The following TPST2 variants were observed in gnomAD, a reference collection of about 807,000 sequenced individuals.
TPST2 encodes the protein tyrosylprotein sulfotransferase 2, also known as protein-tyrosine sulfotransferase 2.
A neutral mutation model predicts 27.8 loss-of-function variants in TPST2; 16 were observed. That is an observed-to-expected ratio of 0.58 (90% confidence interval 0.39 to 0.88). The LOEUF (loss-of-function observed/expected upper bound fraction) is 0.88. Ranked by LOEUF, TPST2 falls within the 40% of genes least tolerant of loss-of-function variation. The pLI, the probability that TPST2 is intolerant of heterozygous loss-of-function variation, is 0.00. For synonymous variants in TPST2, 229 were observed against 231.7 expected (o/e 0.99, Z 0.10); for missense variants, 464 against 543.1 (o/e 0.85, Z 1.45).
chr22:26,568,926 C>A (rs546846860), intron 1 of TPST2, among the ~76,000 whole-genome samples: 2 of 150,524 alleles, frequency 1.3e-5, no homozygotes, highest in African/African-American at 2.5e-5. Flanking sequence ...TGCAGTGGCC[C>A]GATCTCGGCT....
chr22:26,530,971 T>C (rs1293167967), intron 5 of TPST2, among the ~76,000 whole-genome samples: 1 of 152,078 alleles, frequency 6.6e-6, no homozygotes, highest in Non-Finnish European at 1.5e-5. Context: ...ATCACCGCAT[T>C]GCACTCCAGC....
chr22:26,543,486 T>C (rs1398147962), intron 2 of TPST2, among the ~76,000 whole-genome samples: 6 of 152,180 alleles, frequency 3.9e-5, no homozygotes, highest in African/African-American at 1.4e-4. Flanking sequence ...TGTGTGTTTT[T>C]AGTAGAGATG....
intron 1 of TPST2, among the ~76,000 whole-genome samples, chr22:26,560,264 T>G (rs1428856503): frequency 6.6e-6 from 1 of 152,072 alleles, no homozygotes; most frequent in Non-Finnish European, 1.5e-5. Flanking sequence ...GGTCTCCTGG[T>G]TAAAGTGTGG....
At chr22:26,527,527 CA>C (rs3216406) in intron 6 of TPST2, among the ~76,000 whole-genome samples, 53,286 of 151,996 alleles carry the variant, frequency 0.35, 9,799 homozygotes, top group African/African-American at 0.44. Flanking sequence ...TTACCAAGTT[CA>C]AAAAAATCCC....
At chr22:26,552,499 C>T (rs777254187) in intron 1 of TPST2, among the ~76,000 whole-genome samples, 2 of 152,118 alleles carry the variant, frequency 1.3e-5, no homozygotes, top group East Asian at 1.9e-4. Context: ...GATGCCAGAA[C>T]CCAAACTGTT....
intron 5 of TPST2, among the ~76,000 whole-genome samples, chr22:26,531,046 C>T (rs1322057095): frequency 1.3e-5 from 2 of 151,042 alleles, no homozygotes; most frequent in African/African-American, 4.8e-5. Context: ...AAGGGTTGGG[C>T]CAGTTTATAC....
rs6005071 is a variant in TPST2 at position 26,538,448 on chromosome 22, A to T, written c.843-1962T>A. 3.2e-3 allele frequency among the ~76,000 whole-genome samples: 488 copies of T among 152,354 alleles called. 1 individual carries two copies. The highest frequency in any genetic ancestry group is 0.011 in the African/African-American group (452 of 41,590). On this transcript the variant is annotated intron_variant, in intron 3 of 6. Coordinates refer to ENST00000338754, the MANE Select transcript of TPST2 (RefSeq NM_003595.5). ...CTTGATACATATCAGTAAAACTGGA[A>T]ATAACCGAAGTGTCCAACAATAGGG...
intron 1 of TPST2, among the ~76,000 whole-genome samples, chr22:26,580,813 C>T (rs1238601913): frequency 1.3e-5 from 2 of 152,038 alleles, no homozygotes; most frequent in Non-Finnish European, 2.9e-5. Context: ...CGCGTTAGCA[C>T]CTAATGGAGG....
At chr22:26,562,625 T>C (rs1338430462) in intron 1 of TPST2, among the ~76,000 whole-genome samples, 2 of 135,194 alleles carry the variant, frequency 1.5e-5, no homozygotes, top group Non-Finnish European at 3.3e-5. Context: ...TTTTCTTTTC[T>C]TTTCTTTTTT....
intron 4 of TPST2, among the ~76,000 whole-genome samples, chr22:26,534,553 C>A (rs1925343879): frequency 6.6e-6 from 1 of 152,194 alleles, no homozygotes; most frequent in African/African-American, 2.4e-5. Context: ...GAACGTCCGA[C>A]CCATAGCCTG....
chr22:26,569,551 G>A (rs1470491593), intron 1 of TPST2, among the ~76,000 whole-genome samples: 1 of 152,164 alleles, frequency 6.6e-6, no homozygotes, highest in Non-Finnish European at 1.5e-5. Context: ...GGGAGGCTGA[G>A]GCAAGAGGAT....
chr22:26,549,572 G>A (rs1329545335), intron 1 of TPST2, among the ~76,000 whole-genome samples: 22 of 147,432 alleles, frequency 1.5e-4, no homozygotes, highest in African/African-American at 5.0e-4. Flanking sequence ...CAGAGGAATC[G>A]CTTGAACCTG....
At chr22:26,570,874 T>C (rs558729232) in intron 1 of TPST2, among the ~76,000 whole-genome samples, 34 of 152,296 alleles carry the variant, frequency 2.2e-4, no homozygotes, top group African/African-American at 7.9e-4. Context: ...TAACTTCACC[T>C]TTAAAACAGA....
chr22:26,560,725 A>G (rs1927042756), intron 1 of TPST2: 1 of 1,095,874 alleles, frequency 9.1e-7, no homozygotes, highest in East Asian at 2.3e-5. Context: ...GCAAAGGCGG[A>G]CAAGGCCCAT....
intron 1 of TPST2, among the ~76,000 whole-genome samples, chr22:26,570,137 T>C (rs1927574612): frequency 6.6e-6 from 1 of 152,082 alleles, no homozygotes; most frequent in Non-Finnish European, 1.5e-5. Flanking sequence ...TGCTGAGGAA[T>C]GGTGTTGCTG....
intron 1 of TPST2, among the ~76,000 whole-genome samples, chr22:26,558,610 G>A (rs1926924745): frequency 1.3e-5 from 2 of 152,162 alleles, no homozygotes; most frequent in Admixed American, 6.5e-5. Context: ...CTTCTCTTGG[G>A]GTGGGCTTGC....
At chr22:26,585,517 C>T (rs1030414936) in intron 1 of TPST2, among the ~76,000 whole-genome samples, 1 of 152,168 alleles carries the variant, frequency 6.6e-6, no homozygotes, top group Non-Finnish European at 1.5e-5. Context: ...GGGCCCCAGA[C>T]CGGGTACATG....
intron 1 of TPST2, among the ~76,000 whole-genome samples, chr22:26,575,190 T>G (rs9613216): frequency 0.14 from 21,982 of 152,130 alleles, 2,034 homozygotes; most frequent in Middle Eastern, 0.22. Flanking sequence ...AGCACTTCCC[T>G]GGAGGTTGAG....
chr22:26,536,435 G>A lies in TPST2; in HGVS notation c.894C>T (p.Leu298=). Residue 298 remains leucine (L), a synonymous_variant, in exon 4 of 7, where the codon CTC becomes CTT. Coordinates refer to ENST00000338754, the MANE Select transcript of TPST2 (RefSeq NM_003595.5). The part of the protein sequence containing the change: ...QVIKPVNLEA[L]SKWTGHIPGD... ...CAGGGATGTGGCCAGTCCACTTGGA[G>A]AGCGCTTCCAGGTTAACAGGCTTGA... The A allele has an allele frequency of 6.4e-7, 1 of 1,564,720 alleles. No homozygotes were observed. Among genetic ancestry groups the A allele is most frequent in the Non-Finnish European group, 8.7e-7 (1 of 1,154,028 alleles).
Sources: gnomAD v4.1 joint callset for allele counts (sites outside exome capture counted in the v4.1 genomes callset) on GRCh38, gnomAD v4.1.1 for gene constraint, MANE v1.5 for transcripts, NCBI Gene and HGNC (gene_info 2026-07-23, HGNC 2026-07-21) for gene names.